GABRG3: variants seen among roughly 807,000 people sequenced by gnomAD.
GABRG3 encodes gamma-aminobutyric acid type A receptor subunit gamma3.
In GABRG3, 25 loss-of-function variants were observed where a neutral mutation model predicts 48.8. The observed-to-expected ratio is 0.51, with a 90% CI of 0.37 to 0.72. The LOEUF is 0.72. Among genes scored for constraint, GABRG3 ranks in the 30% least tolerant of loss-of-function variants. GABRG3 has a pLI of 0.00. For missense variants in GABRG3, 394 were observed against 577.9 expected (o/e 0.68, Z 3.26); for synonymous variants, 227 against 217.6 (o/e 1.04, Z -0.38).
intron 3 of GABRG3, among the ~76,000 whole-genome samples, chr15:27,216,747 ATTTT>A (rs1889263827): frequency 1.0e-5 from 1 of 96,740 alleles, no homozygotes; most frequent in Non-Finnish European, 2.1e-5. Flanking sequence ...TTTTTTTTTT[ATTTT>A]TTATTTATTT....
At chr15:27,356,592 T>G (rs1162041766) in intron 5 of GABRG3, among the ~76,000 whole-genome samples, 2 of 152,202 alleles carry the variant, frequency 1.3e-5, no homozygotes, top group African/African-American at 4.8e-5. Context: ...GAATTCTGCT[T>G]CTTAGATTTA....
At position 27,199,120 on chromosome 15, in the gene GABRG3, T is replaced by C. The variant is rs112996878; in HGVS notation, c.271-127689T>C. On this transcript the variant is annotated intron_variant, in intron 3 of 9. Transcript: ENST00000615808. ...GTAACAAACCTGCACGTTCTGCACA[T>C]GTATCCCAGAACTTAAGCATATAAA... 8.6e-3 allele frequency among the ~76,000 whole-genome samples: 1,313 copies of C among 152,178 alleles called. 18 individuals are homozygous for C. The highest frequency in any genetic ancestry group is 0.031 in the African/African-American group (1,269 of 41,520).
Position 26,984,931 on chromosome 15 carries a change from A to T in GABRG3, c.202+7781A>T, listed in dbSNP as rs150667072. ...GCAACGCTGACTGATGGGTTCACTG[A>T]ATCCAGGCAAAACATCTGAATCATC... On this transcript the variant is annotated intron_variant, in intron 2 of 9. Transcript: ENST00000615808. 3.3e-3 allele frequency among the ~76,000 whole-genome samples: 501 copies of T among 152,346 alleles called. 2 individuals are homozygous for T. Among genetic ancestry groups the T allele is most frequent in the Non-Finnish European group, 3.7e-3 (253 of 68,032 alleles).
At chr15:27,070,182 C>T (rs561777438) in intron 3 of GABRG3, among the ~76,000 whole-genome samples, 2 of 152,358 alleles carry the variant, frequency 1.3e-5, no homozygotes, top group East Asian at 3.9e-4. Flanking sequence ...CAAAACAAAA[C>T]CTTTTGCAAC....
intron 5 of GABRG3, among the ~76,000 whole-genome samples, chr15:27,433,215 C>T (rs561878971): frequency 6.6e-6 from 1 of 152,364 alleles, no homozygotes; most frequent in Admixed American, 6.5e-5. Context: ...AACCCCACTC[C>T]AGGTACCAAA....
At chr15:27,006,360 C>G (rs985851176) in intron 2 of GABRG3, among the ~76,000 whole-genome samples, 2 of 152,064 alleles carry the variant, frequency 1.3e-5, no homozygotes, top group Non-Finnish European at 2.9e-5. Context: ...CGCCACCATG[C>G]CTGGCTAATT....
At chr15:27,017,510 GT>G (rs1187091183) in intron 2 of GABRG3, among the ~76,000 whole-genome samples, 2 of 152,138 alleles carry the variant, frequency 1.3e-5, no homozygotes, top group African/African-American at 2.4e-5. Context: ...CTGCCACTCT[GT>G]TCCTCTAAGC....
At chr15:27,119,095 G>A (rs7174606) in intron 3 of GABRG3, among the ~76,000 whole-genome samples, 1 of 151,982 alleles carries the variant, frequency 6.6e-6, no homozygotes, top group Non-Finnish European at 1.5e-5. Context: ...CCCTGTACCC[G>A]GAGGAAAGGT....
chr15:27,516,241 C>T lies in GABRG3; in HGVS notation c.713-3731C>T, dbSNP rs150292935. ...TGAAGAAAAAGGTCTTTAAATGTAC[C>T]ATGTCCTTGTATTTTACAATAAACT... On this transcript the variant is annotated intron_variant, in intron 6 of 9. Coordinates refer to ENST00000615808, the MANE Select transcript of GABRG3 (RefSeq NM_033223.5). Among the ~76,000 whole-genome samples the T allele has an allele frequency of 2.1e-3, 320 of 152,006 alleles. 1 individual carries two copies. The highest frequency in any genetic ancestry group is 6.5e-3 in the African/African-American group (271 of 41,428).
chr15:27,318,629 GTTGTT>G (rs150250861), intron 3 of GABRG3, among the ~76,000 whole-genome samples: 7 of 152,158 alleles, frequency 4.6e-5, no homozygotes, highest in Admixed American at 6.5e-5. Context: ...TGCATTTACT[GTTGTT>G]TTGTTTTGTT....
chr15:27,111,149 T>C (rs1897541238), intron 3 of GABRG3, among the ~76,000 whole-genome samples: 1 of 152,252 alleles, frequency 6.6e-6, no homozygotes, highest in African/African-American at 2.4e-5. Context: ...TAATGTTCAG[T>C]GATTCTTTCC....
rs2150867941 is a variant in GABRG3, at chr15:27,535,442, T to C, written c.*2561T>C. 6.6e-6 allele frequency: 1 copy of C among 152,342 alleles called. No homozygotes were observed. The highest frequency in any genetic ancestry group is 2.4e-5 in the African/African-American group (1 of 41,568). 9.4% of individuals were successfully genotyped at this position (152,342 alleles called of 1,614,324 possible). A position where few individuals can be genotyped will look rare whatever the true frequency, so the allele number is the denominator to read the frequency against. Reference sequence around the variant, plus strand: ...GATAAATACACCAATAACCTCAGTTTTCTGAATCCAGCCATTCTCTTCTTC... The same window carrying C: ...GATAAATACACCAATAACCTCAGTTCTCTGAATCCAGCCATTCTCTTCTTC... On this transcript the variant is annotated 3_prime_UTR_variant, in exon 10 of 10. Coordinates refer to ENST00000615808, the MANE Select transcript of GABRG3 (RefSeq NM_033223.5).
chr15:27,202,939 A>T (rs1053773502), intron 3 of GABRG3, among the ~76,000 whole-genome samples: 2 of 152,154 alleles, frequency 1.3e-5, no homozygotes, highest in South Asian at 4.1e-4. Context: ...CTAATAGGAT[A>T]TACCTCTCCT....
chr15:27,513,107 C>T (rs1890936122), intron 6 of GABRG3, among the ~76,000 whole-genome samples: 1 of 151,620 alleles, frequency 6.6e-6, no homozygotes, highest in Non-Finnish European at 1.5e-5. Context: ...ATCAAGCAGG[C>T]CAGGAGATAT....
intron 5 of GABRG3, among the ~76,000 whole-genome samples, chr15:27,388,351 GGTAA>G (rs751395256): frequency 0.011 from 405 of 35,490 alleles, 68 homozygotes; most frequent in East Asian, 0.022. Context: ...TGGGAGGGAG[GGTAA>G]GGAAGGAAGG....
At chr15:27,241,181 T>C (rs980897028) in intron 3 of GABRG3, among the ~76,000 whole-genome samples, 2 of 152,198 alleles carry the variant, frequency 1.3e-5, no homozygotes. Context: ...CTTTTCAAGG[T>C]CAACAGATTT....
chr15:27,308,432 C>T (rs558021779), intron 3 of GABRG3, among the ~76,000 whole-genome samples: 3 of 144,192 alleles, frequency 2.1e-5, no homozygotes, highest in East Asian at 2.1e-4. Context: ...TGTAAACATA[C>T]CTGTTTATAT....
intron 5 of GABRG3, chr15:27,365,640 T>C (rs1595707071): frequency 6.6e-6 from 1 of 152,280 alleles, no homozygotes; most frequent in South Asian, 2.1e-4. Context: ...GATGTTAACT[T>C]TGATGACTCA....
intron 3 of GABRG3, among the ~76,000 whole-genome samples, chr15:27,244,262 A>G (rs1220042444): frequency 1.3e-5 from 2 of 152,208 alleles, no homozygotes; most frequent in African/African-American, 2.4e-5. Context: ...TAACAGGTCT[A>G]TTAACCGCCC....
Sources: gnomAD v4.1 joint callset for allele counts (sites outside exome capture counted in the v4.1 genomes callset) on GRCh38, gnomAD v4.1.1 for gene constraint, MANE v1.5 for transcripts, NCBI Gene and HGNC (gene_info 2026-07-23, HGNC 2026-07-21) for gene names.